MAP4K2: variants seen among roughly 807,000 people sequenced by gnomAD.
MAP4K2 encodes B lymphocyte serine/threonine protein kinase.
Under a neutral mutation model 125.3 loss-of-function variants are expected in MAP4K2, and 85 were observed. The ratio of observed to expected loss-of-function variants is 0.68; its 90% CI spans 0.57 to 0.81. MAP4K2 has a LOEUF of 0.81. Ranked by LOEUF, MAP4K2 falls within the 40% of genes least tolerant of loss-of-function variation. The probability of loss-of-function intolerance (pLI) is 0.00; values close to 1 mark genes in which losing one functional copy is unlikely to be tolerated. For synonymous variants in MAP4K2, 479 were observed against 445.1 expected (o/e 1.08, Z -0.96); for missense variants, 923 against 1,056.4 (o/e 0.87, Z 1.75).
rs1009090519 is a variant in MAP4K2 at position 64,802,220 on chromosome 11, A to C, written c.311-99T>G. ...AAAAGCAGCAGGCACTGTTAAATGA[A>C]AGCGGTGTTGGCCACGTCCCCTCCC... On this transcript the variant is annotated intron_variant, in intron 4 of 31. Transcript: ENST00000294066. The C allele has an allele frequency of 3.2e-6, 4 of 1,245,668 alleles. No homozygotes were observed. In the East Asian group the frequency reaches 7.2e-5, roughly 22 times the overall value. 77.2% of individuals were successfully genotyped at this position (1,245,668 alleles called of 1,614,324 possible).
At chr11:64,797,579 C>A in intron 16 of MAP4K2, 45 bp from the exon 17 acceptor site, 2 of 1,576,910 alleles carry the variant, frequency 1.3e-6, no homozygotes, top group Non-Finnish European at 8.6e-7. Flanking sequence ...GTGACTGGCA[C>A]CAAGGCCACC....
At chr11:64,801,647 C>T (rs777125131) in intron 6 of MAP4K2, 26 bp from the exon 7 acceptor site, 24 of 1,613,810 alleles carry the variant, frequency 1.5e-5, no homozygotes, top group Admixed American at 3.3e-5. Context: ...AGAGACAATC[C>T]CATCTGGTGC....
intron 2 of MAP4K2, 70 bp downstream of exon 2, chr11:64,802,815 T>G: frequency 6.5e-7 from 1 of 1,529,680 alleles, no homozygotes; most frequent in Non-Finnish European, 8.9e-7. Flanking sequence ...ACGTCAACCC[T>G]CCGCCCGCAC....
intron 27 of MAP4K2, among the ~76,000 whole-genome samples, chr11:64,791,610 C>CCT (rs1056079232): frequency 5.3e-5 from 8 of 152,182 alleles, no homozygotes; most frequent in African/African-American, 1.9e-4. Context: ...AGCTCAAGCC[C>CCT]CTCTCTCTCC....
Position 64,785,044 on chromosome 11 carries a change from G to C in MAP4K2, c.*4493C>G, listed in dbSNP as rs1368952728. On this transcript the variant is annotated 3_prime_UTR_variant, in exon 32 of 32. Transcript: ENST00000294066. ...TGGAATACTACTTGGCAATAAAAAG[G>C]AATAAAATATTAATGCATGCAACAG... The C allele has an allele frequency of 6.6e-6, 1 of 152,134 alleles. No homozygotes were observed. Among genetic ancestry groups the C allele is most frequent in the African/African-American group, 2.4e-5 (1 of 41,422 alleles). The allele number at this position is 152,134 out of a possible 1,614,324, so 9.4% of individuals were successfully genotyped here.
chr11:64,801,077 G>T (rs752408567), intron 8 of MAP4K2, 34 bp downstream of exon 8: 1 of 1,613,546 alleles, frequency 6.2e-7, no homozygotes, highest in Admixed American at 1.7e-5. Flanking sequence ...CCTGCTCTGT[G>T]GCCCCTACCC....
Position 64,802,382 on chromosome 11 carries a change from G to GGCTGGGGCCT in MAP4K2, c.310+27_310+36dup, listed in dbSNP as rs778202103. 22 of 1,488,292 alleles carry GGCTGGGGCCT rather than the reference G, an allele frequency of 1.5e-5. 1 individual carries two copies. Among genetic ancestry groups the GGCTGGGGCCT allele is most frequent in the South Asian group, 5.4e-5 (4 of 73,594 alleles). The allele number at this position is 1,488,292 out of a possible 1,614,324, so 92.2% of individuals were successfully genotyped here. A position where few individuals can be genotyped will look rare whatever the true frequency, so the allele number is the denominator to read the frequency against. On this transcript the variant is annotated intron_variant, in intron 4 of 31. Transcript: ENST00000294066. ...CCCCAGTGGGGTAGGGGTGGGGGAA[G>GGCTGGGGCCT]GCTGGGGCCTGCTGGGGCCTGGAGC...
intron 17 of MAP4K2, 58 bp from the exon 18 acceptor site, chr11:64,797,438 C>A: frequency 6.4e-7 from 1 of 1,557,110 alleles, no homozygotes. Flanking sequence ...TAACCACATC[C>A]CACTCCAATC....
intron 24 of MAP4K2, among the ~76,000 whole-genome samples, chr11:64,794,758 T>C (rs1940692372): frequency 6.6e-6 from 1 of 152,164 alleles, no homozygotes; most frequent in African/African-American, 2.4e-5. Context: ...TGCCATTCCC[T>C]ACCTCACCTG....
At position 64,800,928 on chromosome 11, in the gene MAP4K2, G is replaced by C. The variant is rs759840531; in HGVS notation, c.634C>G (p.Pro212Ala). 6.2e-7 allele frequency: 1 copy of C among 1,614,016 alleles called. No individual in the cohort carries two copies. The change falls in exon 9 of 32, where the codon CCC becomes GCC. Residue 212 changes from proline (P) to alanine (A), a missense_variant. Coordinates refer to ENST00000294066, the MANE Select transcript of MAP4K2 (RefSeq NM_004579.5). ...ITAIELGELQ[P>A]PLFHLHPMRA... Reference sequence around the variant, plus strand: ...ATGGGGTGCAGGTGGAACAGAGGGGGCTGCAGCTCGCCCAGCTCAATGGCA... The same window carrying C: ...ATGGGGTGCAGGTGGAACAGAGGGGCCTGCAGCTCGCCCAGCTCAATGGCA...
intron 10 of MAP4K2, 87 bp downstream of exon 10, chr11:64,800,677 G>C: frequency 6.6e-7 from 1 of 1,519,682 alleles, no homozygotes; most frequent in Non-Finnish European, 8.9e-7. Context: ...GGGCTCTTGG[G>C]GTTGCCCCCC....
At chr11:64,798,725 A>G (rs1429325581) in intron 15 of MAP4K2, 69 bp downstream of exon 15, 83 of 1,568,242 alleles carry the variant, frequency 5.3e-5, no homozygotes, top group South Asian at 1.9e-4. Context: ...ATGAGCCACC[A>G]CGCCCGGTCA....
Position 64,796,963 on chromosome 11 carries a change from G to A in MAP4K2, c.1407+19C>T. ...GGTGGCAGGGCTGTGGGACTGCAGG[G>A]CTTGGGGCAAACACTTACATGCACC... On this transcript the variant is annotated intron_variant, in intron 20 of 31. Coordinates refer to ENST00000294066, the MANE Select transcript of MAP4K2 (RefSeq NM_004579.5). The A allele has an allele frequency of 6.2e-7, 1 of 1,613,886 alleles. No individual in the cohort carries two copies. Among genetic ancestry groups the A allele is most frequent in the Non-Finnish European group, 8.5e-7 (1 of 1,179,934 alleles).
In MAP4K2 at chr11:64,796,543, T is replaced by C. The variant is rs1940812823; in HGVS notation, c.1583A>G (p.His528Arg). ...HEDTLEKLISHRCSWLYCVNN... is the reference protein window; with the variant it reads ...HEDTLEKLISRRCSWLYCVNN... ...CACGCAGTAGAGCCAGGAGCAGCGA[T>C]GTGAAATCAGCTGGAGGCCACAGAG... The change falls in exon 23 of 32, where the codon CAT (histidine) becomes CGT (arginine). Residue 528 changes from histidine (H) to arginine (R), a missense_variant. Physicochemically the swap from His to Arg is conservative, Grantham distance 29. Around this residue, in one of 2 missense-constraint regions of MAP4K2, gnomAD observed 833 missense variants for 911.4 expected, o/e 0.91. Coordinates refer to ENST00000294066, the MANE Select transcript of MAP4K2 (RefSeq NM_004579.5). 6.2e-7 allele frequency: 1 copy of C among 1,613,792 alleles called. No homozygotes were observed. Among genetic ancestry groups the C allele is most frequent in the Non-Finnish European group, 8.5e-7 (1 of 1,180,026 alleles).
chr11:64,792,335 C>A, intron 25 of MAP4K2, 29 bp downstream of exon 25: 1 of 1,520,544 alleles, frequency 6.6e-7, no homozygotes, highest in East Asian at 2.4e-5. Context: ...CACCAGGCCC[C>A]GCCCCACCCC....
chr11:64,801,067 C>T, intron 8 of MAP4K2, 36 bp from the exon 9 acceptor site: 1 of 1,613,692 alleles, frequency 6.2e-7, no homozygotes, highest in Non-Finnish European at 8.5e-7. Context: ...GGCCGGGTGC[C>T]CTGCTCTGTG....
intron 13 of MAP4K2, 31 bp from the exon 14 acceptor site, chr11:64,799,510 G>A (rs1042051643): frequency 1.2e-6 from 2 of 1,612,124 alleles, no homozygotes; most frequent in Middle Eastern, 1.7e-4. Flanking sequence ...GAGTGAAGGA[G>A]CTGGAGTCTC....
At chr11:64,800,285 C>T in intron 11 of MAP4K2, 26 bp downstream of exon 11, 3 of 1,613,484 alleles carry the variant, frequency 1.9e-6, no homozygotes, top group Non-Finnish European at 2.5e-6. Flanking sequence ...AGTACTGGGC[C>T]TCTCTCCCGG....
In MAP4K2 at chr11:64,787,302, T is replaced by G. The variant is rs928843856; in HGVS notation, c.*2235A>C. ...CCTCGGCCTCCCAAAGTGCTTGGATTACAGGTGTGAGCCACCACACCTGGC... is the reference window on the plus strand; with the variant it reads ...CCTCGGCCTCCCAAAGTGCTTGGATGACAGGTGTGAGCCACCACACCTGGC... On this transcript the variant is annotated 3_prime_UTR_variant, in exon 32 of 32. Coordinates refer to ENST00000294066, the MANE Select transcript of MAP4K2 (RefSeq NM_004579.5). The G allele has an allele frequency of 1.3e-5, 2 of 152,178 alleles. 1 individual carries two copies. Among genetic ancestry groups the G allele is most frequent in the African/African-American group, 4.8e-5 (2 of 41,434 alleles). The allele number at this position is 152,178 out of a possible 1,614,324, so 9.4% of individuals were successfully genotyped here. A position where few individuals can be genotyped will look rare whatever the true frequency, so the allele number is the denominator to read the frequency against.
Sources: gnomAD v4.1 joint callset for allele counts (sites outside exome capture counted in the v4.1 genomes callset) on GRCh38, gnomAD v4.1.1 for gene constraint, gnomAD v4.1.1 regional missense constraint, MANE v1.5 for transcripts, NCBI Gene and HGNC (gene_info 2026-07-23, HGNC 2026-07-21) for gene names.